The following MED12L variants were observed in gnomAD, a reference collection of about 807,000 sequenced individuals.
MED12L encodes mediator complex subunit 12L, also known as mediator of RNA polymerase II transcription subunit 12-like protein.
A neutral mutation model predicts 281.3 loss-of-function variants in MED12L; 60 were observed. The ratio of observed to expected loss-of-function variants is 0.21; its 90% confidence interval spans 0.17 to 0.26. The LOEUF (loss-of-function observed/expected upper bound fraction) is 0.26. MED12L is among the 10% of genes least tolerant of loss of function. The pLI is 1.00. For missense variants in MED12L, 2,146 were observed against 2,680.9 expected, an observed-to-expected ratio of 0.80 and a Z score of 4.41; for synonymous variants, 974 against 987.2, an observed-to-expected ratio of 0.99 and a Z score of 0.25.
chr3:151,319,392 T>C (rs2149814093), intron 16 of MED12L, among the ~76,000 whole-genome samples: 1 of 152,136 alleles, frequency 6.6e-6, no homozygotes, highest in Non-Finnish European at 1.5e-5. Flanking sequence ...GGGCACTCTT[T>C]TATTAATTTT....
intron 15 of MED12L, among the ~76,000 whole-genome samples, chr3:151,193,051 G>A (rs1724191434): frequency 6.6e-6 from 1 of 151,928 alleles, no homozygotes; most frequent in Admixed American, 6.6e-5. Context: ...ATTATAATGT[G>A]TTCTTTCTCA....
rs561629502 is a variant in MED12L at position 151,436,546 on chromosome 3, C to A, written c.*3742C>A. ...CATCAGTTCATAATGCATTTATTTA[C>A]AAGTCCTTTTATTTTGCATGTTCAT... is the stretch of plus-strand genomic sequence containing the variant. On this transcript the variant is annotated 3_prime_UTR_variant, in exon 45 of 45. Transcript: ENST00000687756. 2.5e-4 allele frequency: 150 copies of A among 604,050 alleles called. 3 individuals are homozygous for A. The South Asian group carries it at 3.3e-3, about 13-fold the overall frequency. 37.4% of individuals were successfully genotyped at this position (604,050 alleles called of 1,614,324 possible).
Position 151,357,351 on chromosome 3 carries a change from G to C in MED12L, c.2800G>C (p.Asp934His). The stretch of plus-strand genomic sequence containing the variant: ...TCACAGTTGTCTAATCTTGAATCCT[G>C]ATCAGACAGCCCAGGTGTTTGAAGG... ...RYHSCLILNP[D>H]QTAQVFEGLC... is the part of the protein sequence containing the mutation. The change falls in exon 20 of 45, where the codon GAT (aspartate) becomes CAT (histidine). Residue 934 changes from aspartate (D) to histidine (H), a missense_variant. Physicochemically the swap from Asp to His is moderately conservative, Grantham distance 81. Transcript: ENST00000687756. The C allele has an allele frequency of 6.2e-7, 1 of 1,612,312 alleles. No individual in the cohort carries two copies. The highest frequency in any genetic ancestry group is 1.1e-5 in the South Asian group (1 of 90,806).
At chr3:151,178,667 C>T (rs1722368733) in intron 11 of MED12L, among the ~76,000 whole-genome samples, 1 of 152,138 alleles carries the variant, frequency 6.6e-6, no homozygotes, top group African/African-American at 2.4e-5. Context: ...TATCTCTATG[C>T]CTTGCAGTTT....
At chr3:151,283,110 AT>A (rs1473283909) in intron 16 of MED12L, among the ~76,000 whole-genome samples, 3 of 152,362 alleles carry the variant, frequency 2.0e-5, no homozygotes, top group Admixed American at 6.5e-5. Flanking sequence ...GCCTGGTACA[AT>A]ATCACCCCCT....
chr3:151,091,154 A>G (rs1664029043), intron 2 of MED12L, among the ~76,000 whole-genome samples: 1 of 152,194 alleles, frequency 6.6e-6, no homozygotes, highest in African/African-American at 2.4e-5. Flanking sequence ...TGGGGCAGTA[A>G]TGAGATTTCC....
At position 151,357,867 on chromosome 3, in the gene MED12L, G is replaced by T. The variant is rs564151760; in HGVS notation, c.2825+491G>T. 5.6e-4 allele frequency among the ~76,000 whole-genome samples: 85 copies of T among 152,232 alleles called. 1 individual carries two copies. Among genetic ancestry groups the T allele is most frequent in the Non-Finnish European group, 1.3e-4 (9 of 68,022 alleles). ...CAAATTACTTCATTTTCAGTTGTAG[G>T]CTGGGGCTTACTCTACTAATGAAGT... On this transcript the variant is annotated intron_variant, in intron 20 of 44. Transcript: ENST00000687756.
intron 16 of MED12L, among the ~76,000 whole-genome samples, chr3:151,346,559 A>G (rs1752565424): frequency 6.6e-6 from 1 of 152,134 alleles, no homozygotes. Flanking sequence ...AGTCACATCC[A>G]TTGTGACTTC....
At chr3:151,329,251 A>G (rs1000024182) in intron 16 of MED12L, among the ~76,000 whole-genome samples, 1 of 152,202 alleles carries the variant, frequency 6.6e-6, no homozygotes, top group African/African-American at 2.4e-5. Flanking sequence ...AAATCCAAAT[A>G]ACAGGTTCTG....
At chr3:151,151,858 C>G (rs1002577286) in intron 5 of MED12L, among the ~76,000 whole-genome samples, 8 of 152,014 alleles carry the variant, frequency 5.3e-5, no homozygotes, top group African/African-American at 1.9e-4. Flanking sequence ...ATGCCACAAA[C>G]CTTCAGTTTC....
chr3:151,223,986 A>G (rs562105719), intron 16 of MED12L, among the ~76,000 whole-genome samples: 5 of 152,332 alleles, frequency 3.3e-5, no homozygotes, highest in African/African-American at 1.2e-4. Flanking sequence ...TGTATCTGTG[A>G]TATTTTATTT....
intron 16 of MED12L, among the ~76,000 whole-genome samples, chr3:151,242,474 G>C (rs1467740182): frequency 2.0e-5 from 3 of 151,522 alleles, no homozygotes; most frequent in Admixed American, 6.6e-5. Flanking sequence ...CCCCTGAGCA[G>C]CCTAACTGGG....
rs199820125 is a variant in MED12L at position 151,295,210 on chromosome 3, A to T, written c.2251-54849A>T. 25 of 1,600,912 alleles carry T rather than the reference A, an allele frequency of 1.6e-5. No homozygotes were observed. In the East Asian group the frequency reaches 3.3e-4, roughly 21 times the overall value. ...GACTCTCTTGGCCGTGCAGCTCGTT[A>T]TCTGTAGGAGAAGTGGGGAGATAGG... On this transcript the variant is annotated intron_variant, in intron 16 of 44. Coordinates refer to ENST00000687756, the MANE Select transcript of MED12L (RefSeq NM_001393769.1).
chr3:151,216,297 G>A (rs943458833), intron 16 of MED12L, among the ~76,000 whole-genome samples: 1 of 152,190 alleles, frequency 6.6e-6, no homozygotes, highest in Non-Finnish European at 1.5e-5. Flanking sequence ...TGGGAACAGT[G>A]GGTACCTTGA....
intron 5 of MED12L, among the ~76,000 whole-genome samples, chr3:151,143,581 C>A (rs1198213311): frequency 6.6e-6 from 1 of 152,174 alleles, no homozygotes. Flanking sequence ...GTATCTTTCA[C>A]CAGTGCTTGT....
At chr3:151,337,862 T>A (rs1228560462) in intron 16 of MED12L, 2 of 1,614,010 alleles carry the variant, frequency 1.2e-6, no homozygotes, top group Non-Finnish European at 1.7e-6. Context: ...CCTGTTCTTT[T>A]TTCCTATTGT....
chr3:151,233,393 T>C lies in MED12L; in HGVS notation c.2250+39727T>C, dbSNP rs144828222. Reference sequence around the variant, plus strand: ...TCTTTCTTTTCAATGGAATGTTTGATACTTTGAAAAGACTACATGTAGTAT... The same window carrying C: ...TCTTTCTTTTCAATGGAATGTTTGACACTTTGAAAAGACTACATGTAGTAT... On this transcript the variant is annotated intron_variant, in intron 16 of 44. Transcript: ENST00000687756. Among the ~76,000 whole-genome samples, 281 of 152,348 alleles carry C rather than the reference T, an allele frequency of 1.8e-3. 2 individuals are homozygous for C. The highest frequency in any genetic ancestry group is 6.2e-3 in the African/African-American group (257 of 41,596).
At chr3:151,432,627 T>G (rs780659793) in intron 44 of MED12L, 125 bp from the exon 45 acceptor site, 3 of 696,410 alleles carry the variant, frequency 4.3e-6, no homozygotes, top group Non-Finnish European at 7.6e-6. Context: ...GCAAGGATAG[T>G]ACTCTCCGGC....
intron 16 of MED12L, among the ~76,000 whole-genome samples, chr3:151,229,347 G>T (rs1165335484): frequency 1.6e-5 from 2 of 121,546 alleles, no homozygotes; most frequent in African/African-American, 6.4e-5. Context: ...TTGCTCTGTT[G>T]CTCAGGCTGG....
Sources: gnomAD v4.1 joint callset for allele counts (sites outside exome capture counted in the v4.1 genomes callset) on GRCh38, gnomAD v4.1.1 for gene constraint, MANE v1.5 for transcripts, NCBI Gene and HGNC (gene_info 2026-07-23, HGNC 2026-07-21) for gene names.